Variants in HACL2 observed in about 807,000 individuals in gnomAD.
HACL2 encodes the protein 2-hydroxyacyl-CoA lyase 1 like.
At chr19:15,115,312 C>A in the HACL2 span, 2 of 1,614,064 alleles carry the variant, frequency 1.2e-6, no homozygotes, top group African/African-American at 1.3e-5. Context: ...TGACCACAAC[C>A]GGGTGGCCGT....
the HACL2 span, chr19:15,116,359 A>G: frequency 6.2e-7 from 1 of 1,613,948 alleles, no homozygotes; most frequent in Admixed American, 1.7e-5. Flanking sequence ...GGTTGGCAGC[A>G]GGGTCTGCCG....
the HACL2 span, chr19:15,118,091 G>C: frequency 1.5e-5 from 23 of 1,561,198 alleles, no homozygotes; most frequent in Non-Finnish European, 1.9e-5. Flanking sequence ...TGGTGGACTG[G>C]ATGCAAATGA....
chr19:15,119,451 G>A, the HACL2 span: 5 of 1,614,154 alleles, frequency 3.1e-6, no homozygotes, highest in Admixed American at 1.7e-5. Flanking sequence ...GGTGAGCAGG[G>A]CCTGACTCCC....
At chr19:15,123,580 G>C in the HACL2 span, 2 of 1,613,644 alleles carry the variant, frequency 1.2e-6, no homozygotes, top group Non-Finnish European at 1.7e-6. The surrounding 1 kb of genome is among the most constrained non-coding windows in gnomAD (Gnocchi z 5.1). Context: ...TGTCCACCTG[G>C]GCCCAAGGAC....
the HACL2 span, chr19:15,123,002 T>C: frequency 6.2e-7 from 1 of 1,603,572 alleles, no homozygotes. This position sits in a 1 kb window ranked among gnomAD's most constrained non-coding sequence, Gnocchi z 5.1. Context: ...AAGGGACAGC[T>C]GATCAACAGC....
chr19:15,123,092 C>G, the HACL2 span: 4 of 1,612,622 alleles, frequency 2.5e-6, no homozygotes, highest in Non-Finnish European at 3.4e-6. This position sits in a 1 kb window ranked among gnomAD's most constrained non-coding sequence, Gnocchi z 5.1. Context: ...CCTAGGCCCC[C>G]ACTGGCCCCC....
the HACL2 span, chr19:15,120,118 A>AT: frequency 7.7e-7 from 1 of 1,296,306 alleles, no homozygotes; most frequent in Non-Finnish European, 1.1e-6. Flanking sequence ...AGTTGCCAGA[A>AT]TTAACTAACT....
chr19:15,115,040 G>C, the HACL2 span: 1 of 627,300 alleles, frequency 1.6e-6, no homozygotes, highest in African/African-American at 1.8e-5. Flanking sequence ...TAAGAGAGGG[G>C]ACAAACGGCA....
chr19:15,115,382 G>A, the HACL2 span: 2 of 1,614,022 alleles, frequency 1.2e-6, no homozygotes. Flanking sequence ...GTTCTCCCGT[G>A]AGAGCAGCAA....
chr19:15,123,105 G>A, the HACL2 span: 2 of 1,613,236 alleles, frequency 1.2e-6, no homozygotes, highest in African/African-American at 2.7e-5. The surrounding 1 kb of genome is among the most constrained non-coding windows in gnomAD (Gnocchi z 5.1). Flanking sequence ...TGGCCCCCAA[G>A]GACTGGGTAC....
the HACL2 span, chr19:15,115,116 C>T: frequency 4.5e-4 from 448 of 999,130 alleles, 3 homozygotes; most frequent in African/African-American, 6.3e-3. Flanking sequence ...TTTGACCCCT[C>T]CATCCCCTCC....
chr19:15,118,482 C>G, the HACL2 span, among the ~76,000 whole-genome samples: 1 of 152,100 alleles, frequency 6.6e-6, no homozygotes, highest in African/African-American at 2.4e-5. Flanking sequence ...GAAACCGGAG[C>G]CACACATAGA....
At chr19:15,123,746 G>C in the HACL2 span, 2 of 606,814 alleles carry the variant, frequency 3.3e-6, no homozygotes, top group African/African-American at 3.7e-5. The surrounding 1 kb of genome is among the most constrained non-coding windows in gnomAD (Gnocchi z 5.1). Flanking sequence ...CTCAAACCAA[G>C]GCATAACATC....
At chr19:15,117,736 A>T in the HACL2 span, 3 of 785,758 alleles carry the variant, frequency 3.8e-6, no homozygotes, top group African/African-American at 5.2e-5. Context: ...TTGAGAGCCA[A>T]CTATTTGTCT....
the HACL2 span, chr19:15,125,556 G>C: frequency 6.3e-6 from 1 of 157,912 alleles, no homozygotes. Context: ...AGAGCGCACG[G>C]GCCCGAGCCT....
the HACL2 span, chr19:15,123,102 C>T: frequency 1.2e-6 from 2 of 1,613,076 alleles, no homozygotes; most frequent in Non-Finnish European, 1.7e-6. This position sits in a 1 kb window ranked among gnomAD's most constrained non-coding sequence, Gnocchi z 5.1. Context: ...CACTGGCCCC[C>T]AAGGACTGGG....
chr19:15,116,800 C>T, the HACL2 span: 2 of 450,768 alleles, frequency 4.4e-6, no homozygotes, highest in Non-Finnish European at 8.0e-6. Context: ...CCCCTCCCTC[C>T]ACCTCCTTCT....
At chr19:15,117,692 TA>T in the HACL2 span, 6 of 571,204 alleles carry the variant, frequency 1.1e-5, no homozygotes, top group South Asian at 2.6e-5. Flanking sequence ...AAAATAAAAA[TA>T]AAAAAAATTT....
At chr19:15,116,592 A>G in the HACL2 span, 1 of 1,236,720 alleles carries the variant, frequency 8.1e-7, no homozygotes, top group Non-Finnish European at 1.2e-6. Context: ...AGAGGCCTCA[A>G]AACAGCAGGA....
Sources: gnomAD v4.1 joint callset for allele counts (sites outside exome capture counted in the v4.1 genomes callset) on GRCh38, gnomAD v4.1.1 for gene constraint, Gnocchi (gnomAD v3.1) non-coding constraint, MANE v1.5 for transcripts, NCBI Gene and HGNC (gene_info 2026-07-23, HGNC 2026-07-21) for gene names.